The following FAM171A1 variants were observed in gnomAD, a reference collection of about 807,000 sequenced individuals.
FAM171A1 encodes protein FAM171A1.
A neutral mutation model predicts 74.9 loss-of-function variants in FAM171A1; 23 were observed. That is an observed-to-expected ratio of 0.31 (90% CI 0.22 to 0.44). FAM171A1 has a LOEUF of 0.44. FAM171A1 is among the 20% of genes least tolerant of loss of function. The pLI, the probability that FAM171A1 is intolerant of heterozygous loss-of-function variation, is 1.00. For synonymous variants in FAM171A1, 527 were observed against 505.7 expected, an observed-to-expected ratio of 1.04 and a Z score of -0.57; for missense variants, 1,162 against 1,159.2, an observed-to-expected ratio of 1.00 and a Z score of -0.03.
At chr10:15,342,847 A>G (rs1359892044) in intron 1 of FAM171A1, among the ~76,000 whole-genome samples, 2 of 152,250 alleles carry the variant, frequency 1.3e-5, no homozygotes, top group Non-Finnish European at 2.9e-5. Context: ...GTCAGTGCCT[A>G]CATGGATTTT....
intron 5 of FAM171A1, among the ~76,000 whole-genome samples, chr10:15,227,616 A>T (rs1206893928): frequency 6.6e-6 from 1 of 152,142 alleles, no homozygotes; most frequent in Non-Finnish European, 1.5e-5. Flanking sequence ...TCTGGACCCA[A>T]GTGATCCTCC....
chr10:15,265,795 T>C (rs921787301), intron 3 of FAM171A1, among the ~76,000 whole-genome samples: 5 of 152,112 alleles, frequency 3.3e-5, no homozygotes, highest in African/African-American at 1.2e-4. Flanking sequence ...TTTTCACCTT[T>C]AGTCAGTTAG....
At chr10:15,318,727 T>G (rs922877598) in intron 1 of FAM171A1, among the ~76,000 whole-genome samples, 2 of 152,146 alleles carry the variant, frequency 1.3e-5, no homozygotes, top group Non-Finnish European at 2.9e-5. Flanking sequence ...CTTTAAGACC[T>G]TATAGGAGTC....
intron 6 of FAM171A1, among the ~76,000 whole-genome samples, chr10:15,216,956 C>G (rs989504903): frequency 2.6e-5 from 4 of 151,974 alleles, no homozygotes; most frequent in Non-Finnish European, 5.9e-5. Flanking sequence ...TTTCCTGTGA[C>G]TTAAAAAAGT....
chr10:15,287,210 G>A (rs1157079074), intron 1 of FAM171A1, among the ~76,000 whole-genome samples: 2 of 149,594 alleles, frequency 1.3e-5, no homozygotes, highest in African/African-American at 4.9e-5. Context: ...TCCTGCCTCA[G>A]CCTCCCGAGT....
At chr10:15,266,703 CTAAAAA>C (rs1267022789) in intron 3 of FAM171A1, among the ~76,000 whole-genome samples, 1 of 151,734 alleles carries the variant, frequency 6.6e-6, no homozygotes, top group South Asian at 2.1e-4. Flanking sequence ...CCCGTCTCTA[CTAAAAA>C]TAAAAATAAA....
intron 2 of FAM171A1, among the ~76,000 whole-genome samples, chr10:15,281,294 C>G (rs910203934): frequency 6.6e-6 from 1 of 152,200 alleles, no homozygotes; most frequent in Non-Finnish European, 1.5e-5. Context: ...ATTATCCAGT[C>G]TCAGCTATTT....
intron 3 of FAM171A1, among the ~76,000 whole-genome samples, chr10:15,275,236 G>T (rs1305582525): frequency 6.6e-6 from 1 of 151,568 alleles, no homozygotes; most frequent in African/African-American, 2.4e-5. Flanking sequence ...ATGCACCCTA[G>T]AACTTAAAGT....
At chr10:15,294,579 A>T (rs1291396686) in intron 1 of FAM171A1, among the ~76,000 whole-genome samples, 1 of 152,188 alleles carries the variant, frequency 6.6e-6, no homozygotes, top group Non-Finnish European at 1.5e-5. Context: ...GGCAAACATG[A>T]AGAGTGTGGC....
At chr10:15,328,259 C>T (rs1432315057) in intron 1 of FAM171A1, among the ~76,000 whole-genome samples, 2 of 152,180 alleles carry the variant, frequency 1.3e-5, no homozygotes, top group Non-Finnish European at 2.9e-5. Context: ...ATTCTCCTGC[C>T]TCAGCCTCTC....
At chr10:15,355,020 T>C (rs1270441240) in intron 1 of FAM171A1, among the ~76,000 whole-genome samples, 1 of 152,254 alleles carries the variant, frequency 6.6e-6, no homozygotes, top group Non-Finnish European at 1.5e-5. Context: ...AATACATTAA[T>C]GACTCAAAAG....
chr10:15,316,786 T>C (rs552899874), intron 1 of FAM171A1, among the ~76,000 whole-genome samples: 1 of 152,316 alleles, frequency 6.6e-6, no homozygotes, highest in South Asian at 2.1e-4. Context: ...CAAGTGTGAA[T>C]GGCCCCTCCG....
chr10:15,212,786 T>C lies in FAM171A1; in HGVS notation c.*129A>G, dbSNP rs1435430457. ...CTAACATTTACACGGCAAACAGGAA[T>C]GCAGTAAACGTCCACGTCCGTCCCA... On this transcript the variant is annotated 3_prime_UTR_variant, in exon 8 of 8. Transcript: ENST00000378116. 3 of 1,135,820 alleles carry C rather than the reference T, an allele frequency of 2.6e-6. No individual in the cohort carries two copies. In the South Asian group the frequency reaches 4.5e-5, roughly 17 times the overall value. 70.4% of individuals were successfully genotyped at this position (1,135,820 alleles called of 1,614,324 possible). A position where few individuals can be genotyped will look rare whatever the true frequency, so the allele number is the denominator to read the frequency against.
intron 5 of FAM171A1, among the ~76,000 whole-genome samples, chr10:15,247,238 T>C (rs1834445959): frequency 6.6e-6 from 1 of 152,236 alleles, no homozygotes; most frequent in Non-Finnish European, 1.5e-5. Flanking sequence ...AAGATGTTCA[T>C]GCTGTACAAA....
intron 3 of FAM171A1, among the ~76,000 whole-genome samples, chr10:15,261,110 G>T (rs538537792): frequency 5.3e-5 from 8 of 152,150 alleles, no homozygotes; most frequent in African/African-American, 1.9e-4. Context: ...TTCCTCTCCC[G>T]AACTATCATA....
chr10:15,352,469 G>T (rs1835891176), intron 1 of FAM171A1, among the ~76,000 whole-genome samples: 1 of 152,156 alleles, frequency 6.6e-6, no homozygotes, highest in Admixed American at 6.5e-5. Context: ...CCTCCCTCAT[G>T]TTTACTTGGC....
At chr10:15,276,168 T>C (rs1452340063) in intron 2 of FAM171A1, among the ~76,000 whole-genome samples, 2 of 152,182 alleles carry the variant, frequency 1.3e-5, no homozygotes, top group Admixed American at 1.3e-4. Context: ...TTTTTTCATT[T>C]GTTAGAAGTT....
At chr10:15,254,512 A>G (rs1438847456) in intron 4 of FAM171A1, among the ~76,000 whole-genome samples, 1 of 152,248 alleles carries the variant, frequency 6.6e-6, no homozygotes, top group Non-Finnish European at 1.5e-5. Flanking sequence ...GAAAAGCTCA[A>G]GGAGACCAAT....
In FAM171A1 at chr10:15,212,627, G is replaced by A. The variant is rs1474867696; in HGVS notation, c.*288C>T. 1 of 459,126 alleles carries A rather than the reference G, an allele frequency of 2.2e-6. No homozygotes were observed. Among genetic ancestry groups the A allele is most frequent in the East Asian group, 4.3e-5 (1 of 23,302 alleles). The allele number at this position is 459,126 out of a possible 1,614,324, so 28.4% of individuals were successfully genotyped here. On this transcript the variant is annotated 3_prime_UTR_variant, in exon 8 of 8. Transcript: ENST00000378116. ...TTAGAGCATAGCGACATCACGTGCG[G>A]TTTCTTAATGTCCCTGGTGGCGGAT...
Sources: allele counts gnomAD v4.1 joint callset (sites outside exome capture counted in the v4.1 genomes callset), GRCh38; gene constraint gnomAD v4.1.1; transcripts MANE v1.5; gene names NCBI Gene and HGNC (gene_info 2026-07-23, HGNC 2026-07-21).